PIK3R4: variants seen among roughly 807,000 people sequenced by gnomAD.
The protein encoded by PIK3R4 is phosphoinositide 3-kinase regulatory subunit 4.
Under a neutral mutation model 136.5 loss-of-function variants are expected in PIK3R4, and 46 were observed. That is an observed-to-expected ratio of 0.34 (90% CI 0.27 to 0.43). The LOEUF is 0.43. Among genes scored for constraint, PIK3R4 ranks in the 20% least tolerant of loss-of-function variants. PIK3R4 has a pLI of 1.00. For missense variants in PIK3R4, 1,331 were observed against 1,649.5 expected (o/e 0.81, Z 3.35); for synonymous variants, 557 against 566.7 (o/e 0.98, Z 0.24).
chr3:130,703,952 C>T, intron 12 of PIK3R4, 64 bp from the exon 13 acceptor site: 1 of 1,060,298 alleles, frequency 9.4e-7, no homozygotes, highest in Non-Finnish European at 1.4e-6. Context: ...CCCATCATCC[C>T]CTGTTATAAT....
intron 2 of PIK3R4, among the ~76,000 whole-genome samples, chr3:130,740,373 C>G (rs1018051967): frequency 6.6e-6 from 1 of 152,164 alleles, no homozygotes; most frequent in Non-Finnish European, 1.5e-5. Flanking sequence ...AGTGTAATTA[C>G]TGTATCAATG....
In PIK3R4 at chr3:130,706,949, T is replaced by A; in HGVS notation, c.2720A>T (p.Gln907Leu). ...GICVPLSTSS[Q>L]VPEVTTVQNK... is the part of the protein sequence containing the mutation. ...ACTACTGACTGGGTGACACAGTACCTGTGAAGAAGTTGACAAAGGGACACA... is the reference window on the plus strand; with the variant it reads ...ACTACTGACTGGGTGACACAGTACCAGTGAAGAAGTTGACAAAGGGACACA... Residue 907 changes from glutamine to leucine, a missense_variant and splice_region_variant, in exon 11 of 20, where the codon CAG becomes CTG. Physicochemically the swap from Gln to Leu is moderately radical, Grantham distance 113 (BLOSUM62 -2). This residue lies in a region of PIK3R4 where 1,180 missense variants were observed against 1,407.0 expected (regional missense o/e 0.84). Coordinates refer to ENST00000356763, the MANE Select transcript of PIK3R4 (RefSeq NM_014602.3). 1 of 1,606,188 alleles carries A rather than the reference T, an allele frequency of 6.2e-7. No individual in the cohort carries two copies. Among genetic ancestry groups the A allele is most frequent in the Non-Finnish European group, 8.5e-7 (1 of 1,176,616 alleles).
intron 6 of PIK3R4, among the ~76,000 whole-genome samples, chr3:130,725,629 C>A (rs1394933586): frequency 1.3e-5 from 2 of 150,602 alleles, no homozygotes; most frequent in African/African-American, 4.9e-5. Flanking sequence ...AAACTGACTT[C>A]AGAAAAACTG....
intron 10 of PIK3R4, among the ~76,000 whole-genome samples, chr3:130,707,726 A>G (rs1021057903): frequency 6.6e-6 from 1 of 152,348 alleles, no homozygotes; most frequent in South Asian, 2.1e-4. Context: ...GGCAGTGAAT[A>G]TATGTGCAAA....
At position 130,730,333 on chromosome 3, in the gene PIK3R4, T is replaced by C; in HGVS notation, c.1560A>G (p.Thr520=). Residue 520 remains threonine (T), a synonymous_variant, in exon 5 of 20, where the codon ACA becomes ACG. Coordinates refer to ENST00000356763, the MANE Select transcript of PIK3R4 (RefSeq NM_014602.3). ...DPNNEEIDEV[T]HPNGNYDTEL... ...CTGTGTCATAATTTCCATTTGGATG[T>C]GTAACCTCATCTATTTCTTCATTAT... 1.9e-6 allele frequency: 3 copies of C among 1,594,684 alleles called. No homozygotes were observed. Among genetic ancestry groups the C allele is most frequent in the Non-Finnish European group, 2.6e-6 (3 of 1,172,398 alleles).
rs1430265355 is a variant in PIK3R4 at position 130,746,394 on chromosome 3, G to C, written c.-123C>G. On this transcript the variant is annotated 5_prime_UTR_variant, in exon 1 of 20. Coordinates refer to ENST00000356763, the MANE Select transcript of PIK3R4 (RefSeq NM_014602.3). ...TAGTAGACTACTTCGGGGACGGGAC[G>C]GGAAAACGCGTCAGCAGCGGGGAAG... 6.6e-6 allele frequency: 1 copy of C among 152,268 alleles called. No individual in the cohort carries two copies. The highest frequency in any genetic ancestry group is 1.5e-5 in the Non-Finnish European group (1 of 68,118). 9.4% of individuals were successfully genotyped at this position (152,268 alleles called of 1,614,324 possible).
chr3:130,721,336 CAAAA>C, intron 7 of PIK3R4, among the ~76,000 whole-genome samples: 1 of 76,234 alleles, frequency 1.3e-5, no homozygotes, highest in South Asian at 4.2e-4. Context: ...GACTCCGTCT[CAAAA>C]AAAAAAAAAA....
At chr3:130,701,643 G>C (rs528552560) in intron 13 of PIK3R4, among the ~76,000 whole-genome samples, 26 of 152,224 alleles carry the variant, frequency 1.7e-4, no homozygotes, top group African/African-American at 5.1e-4. Flanking sequence ...TTTGCATCTT[G>C]AGAGGGATTC....
intron 2 of PIK3R4, among the ~76,000 whole-genome samples, chr3:130,738,141 G>A (rs942842988): frequency 6.6e-6 from 1 of 152,100 alleles, no homozygotes; most frequent in East Asian, 1.9e-4. Context: ...TTAGAATGAA[G>A]GACTTCGAAA....
chr3:130,680,784 T>G, intron 18 of PIK3R4, 63 bp from the exon 19 acceptor site: 1 of 1,034,270 alleles, frequency 9.7e-7, no homozygotes, highest in Non-Finnish European at 1.5e-6. Context: ...TAATAATCAT[T>G]GGCTTATCTT....
intron 2 of PIK3R4, among the ~76,000 whole-genome samples, chr3:130,742,988 T>A (rs924000838): frequency 6.6e-6 from 1 of 152,218 alleles, no homozygotes; most frequent in Non-Finnish European, 1.5e-5. Flanking sequence ...TCATTAAATT[T>A]TTTAAGGGTA....
chr3:130,739,387 T>A (rs2107622023), intron 2 of PIK3R4, among the ~76,000 whole-genome samples: 1 of 152,070 alleles, frequency 6.6e-6, no homozygotes, highest in Middle Eastern at 3.4e-3. Flanking sequence ...TTGTTTGTTT[T>A]TTGATACAAG....
In PIK3R4 at chr3:130,692,694, C is replaced by T. The variant is rs145900677; in HGVS notation, c.3099-2040G>A. Among the ~76,000 whole-genome samples the T allele has an allele frequency of 4.3e-3, 654 of 152,294 alleles. 5 individuals carry two copies. The highest frequency in any genetic ancestry group is 4.5e-3 in the Non-Finnish European group (305 of 68,020). On this transcript the variant is annotated intron_variant, in intron 13 of 19. Coordinates refer to ENST00000356763, the MANE Select transcript of PIK3R4 (RefSeq NM_014602.3). ...TAAGTCTTTGTGTGGACAAATGTCT[C>T]AAACACAATGCCCACAGGGGCCCCA...
At chr3:130,707,890 C>A (rs2066613923) in intron 10 of PIK3R4, among the ~76,000 whole-genome samples, 1 of 152,150 alleles carries the variant, frequency 6.6e-6, no homozygotes. Context: ...CTTTTTAATT[C>A]ACTGGGCATT....
chr3:130,709,203 G>A (rs568120449), intron 9 of PIK3R4, among the ~76,000 whole-genome samples: 8 of 152,226 alleles, frequency 5.3e-5, no homozygotes, highest in African/African-American at 1.7e-4. Context: ...CTAAAATAGT[G>A]CACTTGAAAC....
intron 7 of PIK3R4, among the ~76,000 whole-genome samples, chr3:130,719,931 C>G (rs1288505677): frequency 6.6e-6 from 1 of 152,154 alleles, no homozygotes; most frequent in Non-Finnish European, 1.5e-5. Flanking sequence ...GCTACTGCCC[C>G]TACAATGAGG....
In PIK3R4 at chr3:130,733,852, T is replaced by C; in HGVS notation, c.1146A>G (p.Ile382Met). The C allele has an allele frequency of 6.2e-7, 1 of 1,614,192 alleles. No individual in the cohort carries two copies. Among genetic ancestry groups the C allele is most frequent in the Non-Finnish European group, 8.5e-7 (1 of 1,180,014 alleles). Residue 382 changes from isoleucine to methionine, a missense_variant, in exon 4 of 20, where the codon ATA (isoleucine) becomes ATG (methionine). Transcript: ENST00000356763. ...ENGLVILVSV[I>M]TSCLQTLKYC... is the part of the protein sequence containing the mutation. The stretch of plus-strand genomic sequence containing the variant: ...ATTTAAGGGTCTGTAGGCAGGATGT[T>C]ATAACAGATACCAAGATAACCAGCC...
At chr3:130,707,521 C>T (rs2066612038) in intron 10 of PIK3R4, among the ~76,000 whole-genome samples, 1 of 152,024 alleles carries the variant, frequency 6.6e-6, no homozygotes, top group South Asian at 2.1e-4. Context: ...CTGTTCATAT[C>T]CTTCAATCTT....
In PIK3R4 at chr3:130,733,975, C is replaced by G. The variant is rs780574890; in HGVS notation, c.1023G>C (p.Glu341Asp). ...AATCCTTCCGTATAACCAGAATACG[C>G]TCATCTGCAGAAAGAAACGTTTCCT... is the stretch of plus-strand genomic sequence containing the variant. ...FAKETFLSAD[E>D]RILVIRKDLG... The change falls in exon 4 of 20, where the codon GAG (glutamate) becomes GAC (aspartate). Residue 341 changes from glutamate to aspartate, a missense_variant. Transcript: ENST00000356763. The G allele has an allele frequency of 6.2e-7, 1 of 1,614,014 alleles. No individual in the cohort carries two copies. The highest frequency in any genetic ancestry group is 1.1e-5 in the South Asian group (1 of 91,082).
Sources: allele counts gnomAD v4.1 joint callset (sites outside exome capture counted in the v4.1 genomes callset), GRCh38; gene constraint gnomAD v4.1.1; regional missense constraint gnomAD v4.1.1; transcripts MANE v1.5; gene names NCBI Gene and HGNC (gene_info 2026-07-23, HGNC 2026-07-21).